ANTXR1: variants seen among roughly 807,000 people sequenced by gnomAD.
The protein encoded by ANTXR1 is anthrax toxin receptor 1.
A neutral mutation model predicts 78.1 loss-of-function variants in ANTXR1; 19 were observed. That is an observed-to-expected ratio of 0.24 (90% CI 0.17 to 0.36). The LOEUF (loss-of-function observed/expected upper bound fraction) is 0.36. Among genes scored for constraint, ANTXR1 ranks in the 10% least tolerant of loss-of-function variants. ANTXR1 has a pLI of 1.00. For synonymous variants in ANTXR1, 273 were observed against 260.5 expected (o/e 1.05, Z -0.46); for missense variants, 518 against 718.6 (o/e 0.72, Z 3.19).
At chr2:69,121,556 C>T (rs1262844634) in intron 10 of ANTXR1, among the ~76,000 whole-genome samples, 1 of 152,190 alleles carries the variant, frequency 6.6e-6, no homozygotes, top group Non-Finnish European at 1.5e-5. Context: ...GCTTCCTAAC[C>T]TTCACTCAGG....
At chr2:69,157,777 T>C (rs1673567153) in intron 13 of ANTXR1, among the ~76,000 whole-genome samples, 1 of 152,254 alleles carries the variant, frequency 6.6e-6, no homozygotes, top group Admixed American at 6.5e-5. Context: ...ATCTCCCACC[T>C]GAATTATTTC....
intron 16 of ANTXR1, 21 bp from the exon 17 acceptor site, chr2:69,193,314 G>T (rs149300234): frequency 6.2e-7 from 1 of 1,611,992 alleles, no homozygotes; most frequent in Non-Finnish European, 8.5e-7. Context: ...ATGTAATCTT[G>T]GTGCATTTGT....
chr2:69,020,861 T>A (rs1490948966), intron 1 of ANTXR1, among the ~76,000 whole-genome samples: 2 of 152,252 alleles, frequency 1.3e-5, no homozygotes, highest in African/African-American at 4.8e-5. Context: ...CATACTCAGT[T>A]TTGATCACAA....
intron 1 of ANTXR1, among the ~76,000 whole-genome samples, chr2:69,036,652 C>A (rs1669436974): frequency 6.6e-6 from 1 of 152,112 alleles, no homozygotes; most frequent in South Asian, 2.1e-4. Context: ...ATTAATTTTT[C>A]TGGTTGTATG....
intron 12 of ANTXR1, among the ~76,000 whole-genome samples, chr2:69,148,435 T>C (rs1287148547): frequency 6.6e-6 from 1 of 152,190 alleles, no homozygotes; most frequent in Non-Finnish European, 1.5e-5. Context: ...CTGAGAACAA[T>C]AGCCCGCTGG....
chr2:69,144,291 T>C (rs1479005585), intron 12 of ANTXR1, among the ~76,000 whole-genome samples: 1 of 152,236 alleles, frequency 6.6e-6, no homozygotes, highest in Non-Finnish European at 1.5e-5. Flanking sequence ...TCAGGGTCTC[T>C]CCTTGGAGCA....
chr2:69,181,780 C>T lies in ANTXR1; in HGVS notation c.1090-6C>T. 6.2e-7 allele frequency: 1 copy of T among 1,613,980 alleles called. No homozygotes were observed. The highest frequency in any genetic ancestry group is 1.1e-5 in the South Asian group (1 of 91,060). ...GCTTCCTTCATGTGCCACAATTTCT[C>T]TGCAGGAAGAAGATGATGATGGTCT... On this transcript the variant is annotated splice_polypyrimidine_tract_variant and splice_region_variant and intron_variant, in intron 14 of 17. Transcript: ENST00000303714.
intron 8 of ANTXR1, among the ~76,000 whole-genome samples, chr2:69,086,874 C>T (rs1671068160): frequency 2.0e-5 from 3 of 152,192 alleles, no homozygotes; most frequent in Non-Finnish European, 2.9e-5. Flanking sequence ...TTCTGTGGAT[C>T]GATCACATCT....
intron 17 of ANTXR1, among the ~76,000 whole-genome samples, chr2:69,218,294 T>C (rs1258714251): frequency 6.6e-6 from 1 of 152,184 alleles, no homozygotes; most frequent in Non-Finnish European, 1.5e-5. Flanking sequence ...TTAAAAGCTC[T>C]CAAGCTGAAG....
intron 16 of ANTXR1, among the ~76,000 whole-genome samples, chr2:69,192,074 C>T (rs1674557670): frequency 6.6e-6 from 1 of 152,212 alleles, no homozygotes; most frequent in South Asian, 2.1e-4. Flanking sequence ...CCATCAATAC[C>T]CCTGCTTTCA....
At chr2:69,102,004 C>T (rs540064544) in intron 9 of ANTXR1, among the ~76,000 whole-genome samples, 3 of 152,328 alleles carry the variant, frequency 2.0e-5, no homozygotes, top group Admixed American at 1.3e-4. Flanking sequence ...ATTAATCAAA[C>T]ATACATTATG....
intron 10 of ANTXR1, among the ~76,000 whole-genome samples, chr2:69,104,630 C>T (rs1671743400): frequency 6.6e-6 from 1 of 152,128 alleles, no homozygotes; most frequent in Admixed American, 6.5e-5. Context: ...ATCAGAAACT[C>T]CTGAAGGTTT....
intron 8 of ANTXR1, among the ~76,000 whole-genome samples, chr2:69,084,536 CAT>C (rs1670989829): frequency 6.7e-6 from 1 of 150,242 alleles, no homozygotes; most frequent in African/African-American, 2.4e-5. Context: ...TACATAAAAT[CAT>C]ATATGAATCC....
intron 10 of ANTXR1, among the ~76,000 whole-genome samples, chr2:69,117,836 G>C (rs1372952623): frequency 6.6e-6 from 1 of 152,108 alleles, no homozygotes; most frequent in Non-Finnish European, 1.5e-5. Context: ...AGTAAGAAAA[G>C]GGCTCAGATT....
At chr2:69,161,274 G>A (rs1289833107) in intron 13 of ANTXR1, among the ~76,000 whole-genome samples, 4 of 152,140 alleles carry the variant, frequency 2.6e-5, no homozygotes, top group Non-Finnish European at 5.9e-5. Context: ...TGGACTAATG[G>A]TAAAGCTCCT....
intron 8 of ANTXR1, among the ~76,000 whole-genome samples, chr2:69,087,414 C>G (rs1671088526): frequency 1.3e-5 from 2 of 152,198 alleles, no homozygotes; most frequent in South Asian, 4.1e-4. Context: ...CAAGGTCACA[C>G]TGCTCATGAG....
chr2:69,180,629 G>T (rs1316602468), intron 14 of ANTXR1, among the ~76,000 whole-genome samples: 2 of 152,190 alleles, frequency 1.3e-5, no homozygotes, highest in Non-Finnish European at 2.9e-5. Flanking sequence ...TAACTTATTT[G>T]TAAATTCAAC....
intron 17 of ANTXR1, among the ~76,000 whole-genome samples, chr2:69,228,067 T>A (rs1675501853): frequency 6.6e-6 from 1 of 152,222 alleles, no homozygotes; most frequent in African/African-American, 2.4e-5. Flanking sequence ...TTTTTGTGTC[T>A]ATGGAAAGAT....
chr2:69,233,582 C>A (rs946177931), intron 17 of ANTXR1, among the ~76,000 whole-genome samples: 4 of 151,840 alleles, frequency 2.6e-5, no homozygotes, highest in Non-Finnish European at 5.9e-5. Flanking sequence ...ATAAAAATAT[C>A]TATCAATAGG....
Sources: allele counts gnomAD v4.1 joint callset (sites outside exome capture counted in the v4.1 genomes callset), GRCh38; gene constraint gnomAD v4.1.1; transcripts MANE v1.5; gene names NCBI Gene and HGNC (gene_info 2026-07-23, HGNC 2026-07-21).